NBPF4: variants seen among roughly 807,000 people sequenced by gnomAD.
NBPF4 encodes the protein NBPF member 4.
NBPF4 carries 11 observed loss-of-function variants against 21.1 expected under a neutral mutation model. The ratio of observed to expected loss-of-function variants is 0.52; its 90% CI spans 0.33 to 0.86. The LOEUF (loss-of-function observed/expected upper bound fraction) is 0.86. Ranked by LOEUF, NBPF4 falls within the 40% of genes least tolerant of loss-of-function variation. The pLI is 0.03. For synonymous variants in NBPF4, 47 were observed against 106.4 expected (o/e 0.44, Z 3.43); for missense variants, 88 against 265.3 (o/e 0.33, Z 4.64).
intron 14 of NBPF4, among the ~76,000 whole-genome samples, chr1:108,224,422 G>C (rs1156972064): frequency 7.8e-6 from 1 of 128,264 alleles, no homozygotes; most frequent in Non-Finnish European, 1.6e-5. Flanking sequence ...AGTCATGAGT[G>C]GTGGTTGGGT....
the NBPF4 span, among the ~76,000 whole-genome samples, chr1:108,255,885 TTCTA>T: frequency 2.2e-5 from 3 of 133,384 alleles, no homozygotes; most frequent in South Asian, 7.2e-4. Flanking sequence ...TTCTCTCTAC[TTCTA>T]TCTTTGAGAA....
chr1:108,264,860 C>T, the NBPF4 span, among the ~76,000 whole-genome samples: 24 of 117,584 alleles, frequency 2.0e-4, no homozygotes, highest in South Asian at 6.9e-4. Context: ...AAAGAGACAA[C>T]GTACCAGAAC....
chr1:108,248,103 C>T (rs1192124677), upstream of NBPF4, among the ~76,000 whole-genome samples: 14 of 151,906 alleles, frequency 9.2e-5, no homozygotes, highest in Admixed American at 4.6e-4. Flanking sequence ...GAGGCACTGG[C>T]GTGTTTGTTT....
chr1:108,265,874 C>A, the NBPF4 span, among the ~76,000 whole-genome samples: 1 of 46,786 alleles, frequency 2.1e-5, no homozygotes, highest in South Asian at 7.9e-4. Context: ...GGGAACATCA[C>A]ACTCTGGGGA....
rs560749713 is a variant in NBPF4, at chr1:108,223,335, C to T, written c.*370G>A. The T allele has an allele frequency of 9.2e-5, 19 of 205,604 alleles. No homozygotes were observed. The East Asian group carries it at 2.1e-3, about 23-fold the overall frequency. 12.7% of individuals were successfully genotyped at this position (205,604 alleles called of 1,614,324 possible). On this transcript the variant is annotated 3_prime_UTR_variant, in exon 15 of 15. Transcript: ENST00000415641. ...TACCGCCTATGAAACTCAGGCTAAGCGTTTTCAGCAAGAACATGGCATTGC... is the reference window on the plus strand; with the variant it reads ...TACCGCCTATGAAACTCAGGCTAAGTGTTTTCAGCAAGAACATGGCATTGC...
At chr1:108,265,184 C>G in the NBPF4 span, among the ~76,000 whole-genome samples, 5 of 148,894 alleles carry the variant, frequency 3.4e-5, no homozygotes, top group African/African-American at 7.4e-5. Context: ...TGAACTCAAA[C>G]AAATTTACAA....
At chr1:108,226,203 T>C (rs1284083812) in intron 14 of NBPF4, among the ~76,000 whole-genome samples, 1 of 150,440 alleles carries the variant, frequency 6.6e-6, no homozygotes, top group East Asian at 1.9e-4. Context: ...GAACAAGTGA[T>C]GATTAAGAGT....
At chr1:108,256,567 C>G in the NBPF4 span, among the ~76,000 whole-genome samples, 41 of 91,702 alleles carry the variant, frequency 4.5e-4, no homozygotes, top group Non-Finnish European at 1.8e-4. Context: ...CCCTCCCTCT[C>G]CTCCCCTCCC....
chr1:108,258,546 G>A, the NBPF4 span, among the ~76,000 whole-genome samples: 1 of 140,534 alleles, frequency 7.1e-6, no homozygotes, highest in Non-Finnish European at 1.5e-5. Flanking sequence ...CGGGGGGTGG[G>A]GGTCCTGCGT....
the NBPF4 span, among the ~76,000 whole-genome samples, chr1:108,267,927 GTTTATTTA>G: frequency 2.8e-5 from 3 of 108,880 alleles, no homozygotes; most frequent in East Asian, 3.5e-4. Flanking sequence ...TTGTTTGTTT[GTTTATTTA>G]TTTATTTATT....
chr1:108,252,717 T>C, the NBPF4 span, among the ~76,000 whole-genome samples: 4 of 139,444 alleles, frequency 2.9e-5, no homozygotes, highest in African/African-American at 1.2e-4. Flanking sequence ...TGAGCTGTTG[T>C]ATGCATTTTC....
chr1:108,228,848 T>C, intron 13 of NBPF4, 72 bp downstream of exon 13: 1 of 889,456 alleles, frequency 1.1e-6, no homozygotes, highest in Non-Finnish European at 1.8e-6. Flanking sequence ...CCCCATTCTC[T>C]CCTCCACCCA....
upstream of NBPF4, among the ~76,000 whole-genome samples, chr1:108,248,068 GAA>G (rs1649893866): frequency 6.6e-6 from 1 of 151,834 alleles, no homozygotes; most frequent in South Asian, 2.1e-4. Context: ...ACTTTTTATT[GAA>G]AAGTCTTTCA....
chr1:108,246,459 G>GA (rs1423314555), upstream of NBPF4, among the ~76,000 whole-genome samples: 14 of 119,682 alleles, frequency 1.2e-4, 5 homozygotes, highest in African/African-American at 4.1e-4. Context: ...CATGTAGATA[G>GA]AAAAATGCTT....
the NBPF4 span, among the ~76,000 whole-genome samples, chr1:108,266,099 TAGA>T: frequency 2.6e-5 from 3 of 116,180 alleles, no homozygotes; most frequent in African/African-American, 1.0e-4. Context: ...CTGAAGGAGA[TAGA>T]AACATGAAAA....
chr1:108,245,042 G>T (rs1649801771), upstream of NBPF4, among the ~76,000 whole-genome samples: 1 of 79,430 alleles, frequency 1.3e-5, no homozygotes, highest in African/African-American at 4.6e-5. Flanking sequence ...ACGGGTGGTT[G>T]GTGATCCTCA....
At chr1:108,268,761 T>C in the NBPF4 span, among the ~76,000 whole-genome samples, 1 of 144,992 alleles carries the variant, frequency 6.9e-6, no homozygotes, top group Non-Finnish European at 1.5e-5. Flanking sequence ...AGCCAGGTAC[T>C]GTGCAATGTG....
rs1272732279 is a variant in NBPF4, at chr1:108,222,970, G to GCA, written c.*733_*734dup. ...GATGGGCTGAGGTAGGAAGCTCACAGCATGGACTCTGCAGAGTTCCTGGCA... is the reference window on the plus strand; with the variant it reads ...GATGGGCTGAGGTAGGAAGCTCACAGCACATGGACTCTGCAGAGTTCCTGGCA... On this transcript the variant is annotated 3_prime_UTR_variant, in exon 15 of 15. Coordinates refer to ENST00000415641, the MANE Select transcript of NBPF4 (RefSeq NM_001143989.3). Among the ~76,000 whole-genome samples the GCA allele has an allele frequency of 6.6e-6, 1 of 152,142 alleles. No individual in the cohort carries two copies. Among genetic ancestry groups the GCA allele is most frequent in the Non-Finnish European group, 1.5e-5 (1 of 68,032 alleles).
the NBPF4 span, among the ~76,000 whole-genome samples, chr1:108,259,626 A>T: frequency 1.4e-5 from 2 of 144,402 alleles, no homozygotes; most frequent in African/African-American, 2.7e-5. Flanking sequence ...TGATTCCAGC[A>T]CTTTGGGAGG....
Sources: gnomAD v4.1 joint callset for allele counts (sites outside exome capture counted in the v4.1 genomes callset) on GRCh38, gnomAD v4.1.1 for gene constraint, MANE v1.5 for transcripts, NCBI Gene and HGNC (gene_info 2026-07-23, HGNC 2026-07-21) for gene names.